The following CAMKMT variants were observed in gnomAD, a reference collection of about 807,000 sequenced individuals.
CAMKMT encodes the protein calmodulin-lysine N-methyltransferase.
A neutral mutation model predicts 48.0 loss-of-function variants in CAMKMT; 53 were observed. The observed-to-expected ratio is 1.10, with a 90% CI of 0.89 to 1.39. CAMKMT has a LOEUF of 1.39. CAMKMT is among the 40% of genes most tolerant of loss of function. The probability of loss-of-function intolerance (pLI) is 0.00; values close to 1 mark genes in which losing one functional copy is unlikely to be tolerated. For missense variants in CAMKMT, 428 were observed against 402.7 expected (o/e 1.06, Z -0.54); for synonymous variants, 165 against 152.3 (o/e 1.08, Z -0.61).
chr2:44,593,274 TGGATACTATTTCCTTTA>T lies in CAMKMT; in HGVS notation c.377-111008_377-110992del, dbSNP rs539553724. Among the ~76,000 whole-genome samples the T allele has an allele frequency of 3.5e-4, 54 of 152,372 alleles. 1 individual carries two copies. The South Asian group carries it at 0.011, about 30-fold the overall frequency. On this transcript the variant is annotated intron_variant, in intron 3 of 10. Transcript: ENST00000378494. ...ACAATTTCCAGTTCTTTGTGAACAC[TGGATACTATTTCCTTTA>T]ATCCTTTCTGATAGGTCTTTCCCTG...
At chr2:44,400,858 A>G (rs1454435543) in intron 3 of CAMKMT, 1 of 150,092 alleles carries the variant, frequency 6.7e-6, no homozygotes, top group Non-Finnish European at 1.5e-5. Context: ...AATTGAAAGT[A>G]GAACTACTGG....
intron 3 of CAMKMT, among the ~76,000 whole-genome samples, chr2:44,612,710 T>C (rs766929689): frequency 2.6e-5 from 4 of 152,224 alleles, no homozygotes; most frequent in African/African-American, 7.2e-5. Flanking sequence ...GAAAGGTTGA[T>C]TCTGGAGTTT....
rs1027262616 is a variant in CAMKMT at position 44,666,734 on chromosome 2, C to T, written c.377-37549C>T. On this transcript the variant is annotated intron_variant, in intron 3 of 10. Transcript: ENST00000378494. ...CAAGGGATTCTCCTGCCTCAGCCTC[C>T]AAGTAGCTGGGAGTACAGGCGCGAG... is the stretch of plus-strand genomic sequence containing the variant. 1.1e-4 allele frequency among the ~76,000 whole-genome samples: 16 copies of T among 152,122 alleles called. No individual in the cohort carries two copies. The South Asian group carries it at 2.5e-3, about 24-fold the overall frequency.
chr2:44,448,171 T>A (rs1414444903), intron 3 of CAMKMT, among the ~76,000 whole-genome samples: 1 of 152,190 alleles, frequency 6.6e-6, no homozygotes, highest in Non-Finnish European at 1.5e-5. Flanking sequence ...CATCTGAAAG[T>A]TGACCCTGCA....
chr2:44,428,920 C>A (rs1236117251), intron 3 of CAMKMT, among the ~76,000 whole-genome samples: 6 of 152,126 alleles, frequency 3.9e-5, no homozygotes, highest in Admixed American at 3.9e-4. Flanking sequence ...TTGGAGTGAC[C>A]CAGCTAAACA....
chr2:44,516,738 G>GTTT (rs1558670346), intron 3 of CAMKMT, among the ~76,000 whole-genome samples: 1 of 145,674 alleles, frequency 6.9e-6, no homozygotes, highest in African/African-American at 2.6e-5. Flanking sequence ...TGTTTCTTGA[G>GTTT]ATTTTTTTTT....
At chr2:44,737,859 CTT>C (rs751961309) in intron 7 of CAMKMT, among the ~76,000 whole-genome samples, 1 of 136,622 alleles carries the variant, frequency 7.3e-6, no homozygotes, top group Admixed American at 7.4e-5. Context: ...TCTTTTTTTT[CTT>C]TTTTTTTTTT....
chr2:44,721,618 TCA>T (rs941861906), intron 7 of CAMKMT, among the ~76,000 whole-genome samples: 2 of 152,168 alleles, frequency 1.3e-5, no homozygotes, highest in Non-Finnish European at 2.9e-5. Flanking sequence ...TTTAGTGTAT[TCA>T]CAGAGTTGTG....
intron 3 of CAMKMT, among the ~76,000 whole-genome samples, chr2:44,635,956 T>C (rs553674983): frequency 5.3e-5 from 8 of 152,218 alleles, no homozygotes; most frequent in Non-Finnish European, 1.0e-4. Flanking sequence ...GTTTCCTATA[T>C]AGATATTTCA....
intron 3 of CAMKMT, among the ~76,000 whole-genome samples, chr2:44,660,256 G>T (rs899521254): frequency 6.6e-6 from 1 of 152,094 alleles, no homozygotes; most frequent in Non-Finnish European, 1.5e-5. Context: ...TTGCCATAAC[G>T]TATGTTATGT....
At chr2:44,583,342 T>G (rs971058907) in intron 3 of CAMKMT, among the ~76,000 whole-genome samples, 5 of 152,172 alleles carry the variant, frequency 3.3e-5, no homozygotes, top group Non-Finnish European at 5.9e-5. Context: ...AAGTGACCAG[T>G]TACATAATTT....
intron 3 of CAMKMT, among the ~76,000 whole-genome samples, chr2:44,452,410 G>T (rs1667340286): frequency 1.3e-5 from 2 of 151,880 alleles, no homozygotes; most frequent in African/African-American, 4.8e-5. Context: ...TTTTCTTACT[G>T]TCTTCATTCA....
chr2:44,743,744 G>T, intron 8 of CAMKMT, 48 bp downstream of exon 8: 1 of 1,486,864 alleles, frequency 6.7e-7, no homozygotes, highest in Non-Finnish European at 9.3e-7. Flanking sequence ...AAATAGCTTT[G>T]CTGGAGTAAT....
chr2:44,683,193 C>A (rs1389731644), intron 3 of CAMKMT, among the ~76,000 whole-genome samples: 5 of 146,108 alleles, frequency 3.4e-5, no homozygotes, highest in African/African-American at 1.3e-4. Context: ...TTCTATAAAA[C>A]TGTTTATTGA....
intron 6 of CAMKMT, among the ~76,000 whole-genome samples, chr2:44,712,526 A>G (rs921695289): frequency 6.6e-6 from 1 of 152,164 alleles, no homozygotes; most frequent in African/African-American, 2.4e-5. Flanking sequence ...CTACCTCTGA[A>G]CGGGGCTTTA....
At chr2:44,485,141 G>C (rs1210058930) in intron 3 of CAMKMT, among the ~76,000 whole-genome samples, 1 of 152,144 alleles carries the variant, frequency 6.6e-6, no homozygotes, top group Non-Finnish European at 1.5e-5. Context: ...AAAACTGCTT[G>C]ACAGTGTCTG....
At chr2:44,758,546 C>A (rs1355463089) in intron 9 of CAMKMT, among the ~76,000 whole-genome samples, 2 of 152,152 alleles carry the variant, frequency 1.3e-5, no homozygotes, top group Non-Finnish European at 2.9e-5. Flanking sequence ...CCTGTCATAA[C>A]ACTACAAGGG....
intron 3 of CAMKMT, among the ~76,000 whole-genome samples, chr2:44,410,819 A>C (rs1444604690): frequency 6.6e-6 from 1 of 151,662 alleles, no homozygotes; most frequent in African/African-American, 2.4e-5. Flanking sequence ...GAGGTTAAAA[A>C]CAAACAAATT....
chr2:44,545,173 G>T (rs1051116535), intron 3 of CAMKMT, among the ~76,000 whole-genome samples: 2 of 152,156 alleles, frequency 1.3e-5, no homozygotes, highest in Non-Finnish European at 2.9e-5. Context: ...ACGGTATGGG[G>T]CAAAATTAAA....
Sources: gnomAD v4.1 joint callset for allele counts (sites outside exome capture counted in the v4.1 genomes callset) on GRCh38, gnomAD v4.1.1 for gene constraint, MANE v1.5 for transcripts, NCBI Gene and HGNC (gene_info 2026-07-23, HGNC 2026-07-21) for gene names.